NOX4: variants seen among roughly 807,000 people sequenced by gnomAD.
The protein encoded by NOX4 is NADPH oxidase 4, also known as kidney oxidase-1.
Under a neutral mutation model 87.6 loss-of-function variants are expected in NOX4, and 69 were observed. The ratio of observed to expected loss-of-function variants is 0.79; its 90% CI spans 0.65 to 0.96. The LOEUF is 0.96. Among genes scored for constraint, NOX4 ranks in the 40% least tolerant of loss-of-function variants. NOX4 has a pLI of 0.00. For missense variants in NOX4, 680 were observed against 681.5 expected (o/e 1.00, Z 0.02); for synonymous variants, 275 against 238.2 (o/e 1.15, Z -1.42).
At chr11:89,419,402 G>C (rs1942966031) in intron 8 of NOX4, among the ~76,000 whole-genome samples, 1 of 151,754 alleles carries the variant, frequency 6.6e-6, no homozygotes, top group Non-Finnish European at 1.5e-5. Context: ...TTAATTATAA[G>C]CCAATCCTTC....
In NOX4 at chr11:89,386,557, C is replaced by T. The variant is rs1940712862; in HGVS notation, c.1075-13065G>A. The stretch of plus-strand genomic sequence containing the variant: ...CACTCTACCTCTCCCCAACTATCCC[C>T]ACCACACCATCAATCTCCCTCACTC... On this transcript the variant is annotated intron_variant, in intron 11 of 17. Coordinates refer to ENST00000263317, the MANE Select transcript of NOX4 (RefSeq NM_016931.5). 2.0e-5 allele frequency among the ~76,000 whole-genome samples: 3 copies of T among 152,108 alleles called. No homozygotes were observed. In the South Asian group the frequency reaches 6.2e-4, roughly 31 times the overall value.
intron 6 of NOX4, among the ~76,000 whole-genome samples, chr11:89,438,976 TTATA>T (rs1944334511): frequency 9.9e-6 from 1 of 100,948 alleles, no homozygotes; most frequent in African/African-American, 3.6e-5. Context: ...TAATATATAA[TTATA>T]TATTATATTA....
the NOX4 span, among the ~76,000 whole-genome samples, chr11:89,527,554 C>A: frequency 6.6e-6 from 1 of 152,262 alleles, no homozygotes; most frequent in East Asian, 1.9e-4. Flanking sequence ...TTTGTTCAGT[C>A]TTGGGAATTG....
At chr11:89,532,532 T>C in the NOX4 span, among the ~76,000 whole-genome samples, 3 of 152,196 alleles carry the variant, frequency 2.0e-5, no homozygotes, top group Non-Finnish European at 4.4e-5. Context: ...TAACTTGCTT[T>C]TGATTTTACA....
At chr11:89,354,864 A>C in intron 13 of NOX4, 98 bp downstream of exon 13, 1 of 653,086 alleles carries the variant, frequency 1.5e-6, no homozygotes, top group South Asian at 2.1e-5. Context: ...GATTTTCAGA[A>C]ATCTTAAGAA....
chr11:89,363,029 T>A (rs1938648589), intron 12 of NOX4, among the ~76,000 whole-genome samples: 1 of 152,140 alleles, frequency 6.6e-6, no homozygotes, highest in Admixed American at 6.6e-5. Flanking sequence ...AATAATGTGC[T>A]TCTTTCCTTT....
At chr11:89,503,735 G>A in the NOX4 span, among the ~76,000 whole-genome samples, 1 of 150,800 alleles carries the variant, frequency 6.6e-6, no homozygotes, top group Non-Finnish European at 1.5e-5. Context: ...AATGGGACAG[G>A]CTAGACAATA....
chr11:89,493,927 G>A (rs956141897), upstream of NOX4, among the ~76,000 whole-genome samples: 13 of 152,066 alleles, frequency 8.5e-5, no homozygotes, highest in Admixed American at 4.6e-4. Context: ...GCTAATTTGT[G>A]TATTTTTAGT....
intron 15 of NOX4, among the ~76,000 whole-genome samples, chr11:89,338,803 G>A (rs1446164551): frequency 2.0e-5 from 3 of 152,030 alleles, no homozygotes; most frequent in Admixed American, 6.6e-5. Flanking sequence ...CTGCTCAAAT[G>A]GCATTATAGC....
chr11:89,491,012 G>T, intron 1 of NOX4, 178 bp downstream of exon 1: 1 of 738,016 alleles, frequency 1.4e-6, no homozygotes, highest in Non-Finnish European at 2.4e-6. Flanking sequence ...GGGGACAGGC[G>T]AGGGGGTGGG....
chr11:89,421,072 C>T (rs1487816413), intron 8 of NOX4, among the ~76,000 whole-genome samples: 3 of 152,100 alleles, frequency 2.0e-5, no homozygotes, highest in Non-Finnish European at 4.4e-5. Flanking sequence ...GGGGTAAATG[C>T]TTCTGAGCAA....
intron 11 of NOX4, among the ~76,000 whole-genome samples, chr11:89,382,141 A>AG (rs1421182726): frequency 6.6e-6 from 1 of 151,816 alleles, no homozygotes; most frequent in Non-Finnish European, 1.5e-5. Flanking sequence ...CACTTTCCTG[A>AG]GGGGGGAGGG....
chr11:89,360,603 C>A (rs1938447231), intron 12 of NOX4, among the ~76,000 whole-genome samples: 1 of 152,060 alleles, frequency 6.6e-6, no homozygotes, highest in Non-Finnish European at 1.5e-5. Flanking sequence ...AATTCCTTTT[C>A]TGAACTCACA....
At chr11:89,468,192 T>C (rs1264367956) in intron 2 of NOX4, among the ~76,000 whole-genome samples, 10 of 152,188 alleles carry the variant, frequency 6.6e-5, no homozygotes, top group Admixed American at 6.5e-4. Flanking sequence ...TGTTCTATTT[T>C]GTTTTCTTAC....
chr11:89,368,475 G>C (rs1258204501), intron 12 of NOX4, among the ~76,000 whole-genome samples: 1 of 152,060 alleles, frequency 6.6e-6, no homozygotes, highest in Non-Finnish European at 1.5e-5. Context: ...TCTGCTCTCC[G>C]CTTCTAAGCT....
upstream of NOX4, among the ~76,000 whole-genome samples, chr11:89,500,203 G>A (rs1184006566): frequency 2.0e-5 from 3 of 152,064 alleles, no homozygotes; most frequent in African/African-American, 7.2e-5. Context: ...GAAATTTTTG[G>A]TTAAGAAGAA....
chr11:89,358,372 G>A (rs1227177480), intron 12 of NOX4, among the ~76,000 whole-genome samples: 1 of 84,442 alleles, frequency 1.2e-5, no homozygotes, highest in Admixed American at 1.8e-4. Context: ...GGCAAGAAGA[G>A]TATAACTTAA....
chr11:89,408,871 C>T (rs1247256628), intron 8 of NOX4, among the ~76,000 whole-genome samples: 1 of 152,130 alleles, frequency 6.6e-6, no homozygotes, highest in Non-Finnish European at 1.5e-5. Context: ...TTTCATTTTG[C>T]AGTGGGCCCT....
At chr11:89,354,542 C>A (rs1937850517) in intron 13 of NOX4, among the ~76,000 whole-genome samples, 1 of 152,078 alleles carries the variant, frequency 6.6e-6, no homozygotes, top group Non-Finnish European at 1.5e-5. Context: ...TAGAGATTGT[C>A]AAAAATCATA....
Sources: allele counts gnomAD v4.1 joint callset (sites outside exome capture counted in the v4.1 genomes callset), GRCh38; gene constraint gnomAD v4.1.1; transcripts MANE v1.5; gene names NCBI Gene and HGNC (gene_info 2026-07-23, HGNC 2026-07-21).